Variants in FBXO16 observed in about 807,000 individuals in gnomAD.
FBXO16 encodes F-box only protein 16.
Under a neutral mutation model 41.0 loss-of-function variants are expected in FBXO16, and 31 were observed. That is an observed-to-expected ratio of 0.76 (90% CI 0.57 to 1.02). FBXO16 has a LOEUF of 1.02. Ranked by LOEUF, FBXO16 falls within the 50% of genes least tolerant of loss-of-function variation. The pLI, the probability that FBXO16 is intolerant of heterozygous loss-of-function variation, is 0.00. For synonymous variants in FBXO16, 133 were observed against 117.8 expected (o/e 1.13, Z -0.84); for missense variants, 361 against 346.2 (o/e 1.04, Z -0.34).
At chr8:28,472,672 G>A (rs1371495953) in intron 3 of FBXO16, among the ~76,000 whole-genome samples, 8 of 152,088 alleles carry the variant, frequency 5.3e-5, no homozygotes, top group Admixed American at 4.6e-4. Context: ...AACCCGGGAG[G>A]CGGAGGAGGT....
rs928129598 is a variant in FBXO16, at chr8:28,428,424, C to G, written c.*303G>C. ...CTGTCCACATTTATGCCATGAATTC[C>G]TTTTTACTGAAATACCGTAGGACTC... On this transcript the variant is annotated 3_prime_UTR_variant, in exon 9 of 9. Transcript: ENST00000380254. 2 of 769,214 alleles carry G rather than the reference C, an allele frequency of 2.6e-6. No individual in the cohort carries two copies. The highest frequency in any genetic ancestry group is 3.7e-5 in the African/African-American group (2 of 54,256). The allele number at this position is 769,214 out of a possible 1,614,324, so 47.6% of individuals were successfully genotyped here. A position where few individuals can be genotyped will look rare whatever the true frequency, so the allele number is the denominator to read the frequency against.
chr8:28,458,646 G>A (rs1011682421), intron 4 of FBXO16, among the ~76,000 whole-genome samples: 2 of 146,222 alleles, frequency 1.4e-5, no homozygotes, highest in East Asian at 2.0e-4. Context: ...TCCGCCTCCC[G>A]GGATCAAGCG....
intron 5 of FBXO16, chr8:28,455,791 A>C (rs1235018407): frequency 2.0e-5 from 3 of 152,246 alleles, no homozygotes; most frequent in Non-Finnish European, 4.4e-5. Context: ...TGAAATCAGA[A>C]AGACTTTTAT....
At chr8:28,481,057 G>C (rs935105216) in intron 2 of FBXO16, among the ~76,000 whole-genome samples, 9 of 151,890 alleles carry the variant, frequency 5.9e-5, no homozygotes, top group Admixed American at 1.3e-4. Context: ...TCACTCGGGG[G>C]CCCCGAGCCG....
chr8:28,481,829 A>T (rs956853081), intron 2 of FBXO16, among the ~76,000 whole-genome samples: 1 of 135,644 alleles, frequency 7.4e-6, no homozygotes. Flanking sequence ...AAAAAAAAAG[A>T]ATGCAAGGCC....
chr8:28,447,272 T>C lies in FBXO16; in HGVS notation c.742A>G (p.Arg248Gly), dbSNP rs1293965763. The C allele has an allele frequency of 6.2e-7, 1 of 1,611,178 alleles. No homozygotes were observed. Among genetic ancestry groups the C allele is most frequent in the Non-Finnish European group, 8.5e-7 (1 of 1,179,086 alleles). The change falls in exon 7 of 9, where the codon AGA becomes GGA. Residue 248 changes from arginine to glycine, a missense_variant and splice_region_variant. By Grantham distance (125) the Arg-to-Gly change is moderately radical. Transcript: ENST00000380254. ...RDPMETVQQG[R>G]RKRNQMTPDF... ...GGGGTCATTTGGTTTCTTTTTCTTCTTCTGTAAATTGGAAAGCAGTGGGAA... is the reference window on the plus strand; with the variant it reads ...GGGGTCATTTGGTTTCTTTTTCTTCCTCTGTAAATTGGAAAGCAGTGGGAA...
chr8:28,437,829 C>T (rs1288932094), intron 7 of FBXO16, among the ~76,000 whole-genome samples: 1 of 152,142 alleles, frequency 6.6e-6, no homozygotes, highest in East Asian at 1.9e-4. Context: ...GCTCTGATTG[C>T]ACTGCTCCAG....
chr8:28,450,393 C>T (rs977573353), intron 6 of FBXO16, among the ~76,000 whole-genome samples: 3 of 152,070 alleles, frequency 2.0e-5, no homozygotes, highest in East Asian at 1.9e-4. Context: ...GGAAAATTGC[C>T]GTGACATTGG....
chr8:28,473,388 C>G (rs1271568044), intron 3 of FBXO16, among the ~76,000 whole-genome samples: 1 of 152,052 alleles, frequency 6.6e-6, no homozygotes, highest in Non-Finnish European at 1.5e-5. Flanking sequence ...TCTCAACCCC[C>G]CAGTGTGATG....
intron 6 of FBXO16, among the ~76,000 whole-genome samples, chr8:28,451,371 TTTG>T (rs2130124050): frequency 7.7e-6 from 1 of 129,174 alleles, no homozygotes; most frequent in South Asian, 2.5e-4. Flanking sequence ...TTTCTGTCTC[TTTG>T]TTGTTGTTTT....
intron 1 of FBXO16, 73 bp from the exon 2 acceptor site, chr8:28,483,535 C>T: frequency 1.8e-6 from 2 of 1,118,900 alleles, no homozygotes; most frequent in South Asian, 1.3e-5. Context: ...ATTACTAATA[C>T]CAGCCAGGCA....
intron 3 of FBXO16, chr8:28,465,109 A>AT (rs891133126): frequency 1.0e-3 from 148 of 146,478 alleles, no homozygotes; most frequent in Middle Eastern, 3.4e-3. Context: ...AATTTATTTG[A>AT]TTTTTTTTTT....
intron 7 of FBXO16, among the ~76,000 whole-genome samples, chr8:28,439,981 T>C (rs1802743753): frequency 1.3e-5 from 2 of 151,952 alleles, no homozygotes; most frequent in African/African-American, 4.8e-5. Flanking sequence ...CGGATTTTTT[T>C]TTTTTTGTAT....
chr8:28,428,548 A>T lies in FBXO16; in HGVS notation c.*179T>A. The T allele has an allele frequency of 1.3e-6, 2 of 1,544,566 alleles. No homozygotes were observed. Among genetic ancestry groups the T allele is most frequent in the East Asian group, 4.9e-5 (2 of 40,804 alleles). On this transcript the variant is annotated 3_prime_UTR_variant, in exon 9 of 9. Transcript: ENST00000380254. Reference sequence around the variant, plus strand: ...AGCATCTTGTCATTTCTATAATAAAAGTCTTTCCATGTTCAGTCCACTTTG... The same window carrying T: ...AGCATCTTGTCATTTCTATAATAAATGTCTTTCCATGTTCAGTCCACTTTG...
chr8:28,487,831 T>C (rs1280062407), intron 1 of FBXO16, among the ~76,000 whole-genome samples: 1 of 151,978 alleles, frequency 6.6e-6, no homozygotes, highest in Non-Finnish European at 1.5e-5. Flanking sequence ...AGGACTACCT[T>C]TGAATATTCA....
intron 5 of FBXO16, among the ~76,000 whole-genome samples, chr8:28,455,115 G>A (rs1299412949): frequency 3.4e-5 from 5 of 148,040 alleles, no homozygotes; most frequent in Non-Finnish European, 7.4e-5. Context: ...TTGCTCTATC[G>A]CCCAGGATGT....
At chr8:28,460,243 ATATT>A (rs1411465698) in intron 4 of FBXO16, among the ~76,000 whole-genome samples, 330 of 93,734 alleles carry the variant, frequency 3.5e-3, no homozygotes, top group African/African-American at 0.019. Context: ...ATATATATAT[ATATT>A]TTTTTTTTTT....
chr8:28,432,220 T>A (rs913976786), intron 7 of FBXO16, among the ~76,000 whole-genome samples: 4 of 151,008 alleles, frequency 2.6e-5, no homozygotes, highest in Non-Finnish European at 4.4e-5. Context: ...ACGCCTGTAA[T>A]CCCAGCACTT....
chr8:28,434,170 A>G (rs1802652938), intron 7 of FBXO16, among the ~76,000 whole-genome samples: 1 of 152,308 alleles, frequency 6.6e-6, no homozygotes, highest in South Asian at 2.1e-4. Flanking sequence ...CACGTTGGCC[A>G]GGCTGGTCTT....
Sources: allele counts gnomAD v4.1 joint callset (sites outside exome capture counted in the v4.1 genomes callset), GRCh38; gene constraint gnomAD v4.1.1; transcripts MANE v1.5; gene names NCBI Gene and HGNC (gene_info 2026-07-23, HGNC 2026-07-21).